Variants in TRRAP observed in about 807,000 individuals in gnomAD.
The protein encoded by TRRAP is transformation/transcription domain associated protein, also known as transformation/transcription domain-associated protein.
Under a neutral mutation model 438.8 loss-of-function variants are expected in TRRAP, and 41 were observed. That is an observed-to-expected ratio of 0.09 (90% CI 0.07 to 0.12). The LOEUF is 0.12. Ranked by LOEUF, TRRAP falls within the 10% of genes least tolerant of loss-of-function variation. The pLI is 1.00. For synonymous variants in TRRAP, 1,994 were observed against 1,962.9 expected (o/e 1.02, Z -0.42); for missense variants, 3,122 against 5,055.1 (o/e 0.62, Z 11.60).
In TRRAP at chr7:98,945,942, G is replaced by C; in HGVS notation, c.4540G>C (p.Gly1514Arg). 6.7e-7 allele frequency: 1 copy of C among 1,483,692 alleles called. No individual in the cohort carries two copies. Among genetic ancestry groups the C allele is most frequent in the Non-Finnish European group, 9.0e-7 (1 of 1,116,880 alleles). 91.9% of individuals were successfully genotyped at this position (1,483,692 alleles called of 1,614,324 possible). The change falls in exon 33 of 73, where the codon GGG becomes CGG. Residue 1514 changes from glycine (G) to arginine (R), a missense_variant. Transcript: ENST00000456197. ...TGTTTTGGTTCAGCCTGCCATGGAAGGGGTAGAGGTGAGAACTTGAGCGGA... is the reference window on the plus strand; with the variant it reads ...TGTTTTGGTTCAGCCTGCCATGGAACGGGTAGAGGTGAGAACTTGAGCGGA... ...PFCQFEPAME[G>R]VEEMKICSAI...
intron 39 of TRRAP, 71 bp from the exon 40 acceptor site, chr7:98,953,096 C>A: frequency 2.7e-5 from 41 of 1,535,402 alleles, no homozygotes; most frequent in Admixed American, 5.3e-5. Context: ...AGGCTTAAAC[C>A]TGTCGTATGA....
chr7:98,911,382 C>CCA, intron 17 of TRRAP, 111 bp downstream of exon 17: 1 of 1,067,028 alleles, frequency 9.4e-7, no homozygotes. Flanking sequence ...CAAGGATGTG[C>CCA]TTATAGCTCA....
At chr7:98,947,816 C>A (rs782496383) in intron 33 of TRRAP, among the ~76,000 whole-genome samples, 1 of 152,188 alleles carries the variant, frequency 6.6e-6, no homozygotes, top group Non-Finnish European at 1.5e-5. Flanking sequence ...TTGAGAGGAC[C>A]TCGTGATACC....
chr7:98,908,469 T>TG lies in TRRAP; in HGVS notation c.1116-258dup, dbSNP rs1393387217. Among the ~76,000 whole-genome samples the TG allele has an allele frequency of 4.1e-4, 63 of 152,368 alleles. No individual in the cohort carries two copies. The highest frequency in any genetic ancestry group is 1.1e-3 in the Admixed American group (17 of 15,308). On this transcript the variant is annotated intron_variant, in intron 13 of 72. Transcript: ENST00000456197. The surrounding 1 kb of genome is among the most constrained non-coding windows in gnomAD (Gnocchi z 4.1). ...AATATTCCTCCTTGGCTTAGCTGTA[T>TG]GTGCCAGCATCTATTAGTAACTTTA...
Position 98,976,237 on chromosome 7 carries a change from T to C in TRRAP, c.7928T>C (p.Leu2643Ser). ...ACGTGGGTCCAGCTTTTCCCCAGAT[T>C]GTGGAAGATCCTCTCTGACAGACAG... ...EKTWVQLFPR[L>S]WKILSDRQQH... Residue 2643 changes from leucine (L) to serine (S), a missense_variant, in exon 54 of 73, where the codon TTG becomes TCG. Coordinates refer to ENST00000456197, the MANE Select transcript of TRRAP (RefSeq NM_001375524.1). This position sits in a 1 kb window ranked among gnomAD's most constrained non-coding sequence, Gnocchi z 4.6. 2 of 1,614,184 alleles carry C rather than the reference T, an allele frequency of 1.2e-6. No homozygotes were observed. Among genetic ancestry groups the C allele is most frequent in the South Asian group, 2.2e-5 (2 of 91,086 alleles).
intron 60 of TRRAP, 71 bp downstream of exon 60, chr7:98,983,530 C>CT (rs1793023924): frequency 6.4e-7 from 1 of 1,565,524 alleles, no homozygotes; most frequent in Non-Finnish European, 8.7e-7. Flanking sequence ...GGTTTCGTCT[C>CT]TGTGTTTTGG....
In TRRAP at chr7:98,910,051, G is replaced by A. The variant is rs188988672; in HGVS notation, c.1351-5G>A. On this transcript the variant is annotated splice_region_variant and splice_polypyrimidine_tract_variant and intron_variant, in intron 14 of 72. Transcript: ENST00000456197. ...TCTTCCCTCTTGAATTTCTCTTCCC[G>A]TTAGGTTTTCGTTCTCAAATTCCAC... is the stretch of plus-strand genomic sequence containing the variant. 1.4e-5 allele frequency: 22 copies of A among 1,538,886 alleles called. No homozygotes were observed. The East Asian group carries it at 2.9e-4, about 21-fold the overall frequency.
At chr7:98,954,452 A>G (rs1261871412) in intron 40 of TRRAP, among the ~76,000 whole-genome samples, 3 of 152,286 alleles carry the variant, frequency 2.0e-5, no homozygotes, top group East Asian at 3.9e-4. Context: ...CACCCCAATC[A>G]AGCCAGAGGT....
chr7:98,881,207 A>G lies in TRRAP; in HGVS notation c.57A>G (p.Lys19=), dbSNP rs1160601877. 1.9e-6 allele frequency: 3 copies of G among 1,610,400 alleles called. No individual in the cohort carries two copies. Among genetic ancestry groups the G allele is most frequent in the Non-Finnish European group, 2.5e-6 (3 of 1,178,154 alleles). The change falls in exon 2 of 73, where the codon AAA becomes AAG. Residue 19 remains lysine, a synonymous_variant. Coordinates refer to ENST00000456197, the MANE Select transcript of TRRAP (RefSeq NM_001375524.1). ...TGGTTGACCAGACCACTTTGATGAAAAAGTACCTTCAGTTTGTGGCAGCTC... is the reference window on the plus strand; with the variant it reads ...TGGTTGACCAGACCACTTTGATGAAGAAGTACCTTCAGTTTGTGGCAGCTC... ...ATVVDQTTLM[K]KYLQFVAALT...
chr7:98,934,164 A>G (rs1292000594), intron 27 of TRRAP, among the ~76,000 whole-genome samples: 2 of 152,230 alleles, frequency 1.3e-5, no homozygotes, highest in Non-Finnish European at 2.9e-5. Context: ...TATAAGCAAC[A>G]TCTTTAGAAT....
Position 98,938,187 on chromosome 7 carries a change from T to G in TRRAP, c.4404+367T>G, listed in dbSNP as rs573161576. Among the ~76,000 whole-genome samples, 35 of 151,890 alleles carry G rather than the reference T, an allele frequency of 2.3e-4. No homozygotes were observed. The East Asian group carries it at 5.8e-3, about 25-fold the overall frequency. On this transcript the variant is annotated intron_variant, in intron 30 of 72. Coordinates refer to ENST00000456197, the MANE Select transcript of TRRAP (RefSeq NM_001375524.1). ...AAACTCCATCTCAAAAAAAGAAAAT[T>G]AGCCAGGCTTAGTGGCACGTGCCTG...
At position 98,973,749 on chromosome 7, in the gene TRRAP, C is replaced by G. The variant is rs369708523; in HGVS notation, c.7839+1804C>G. ...GCTGCAGACGTCAGCCATACTGTTC[C>G]CAGATGCGTGTCACAGAGGAGACCC... On this transcript the variant is annotated intron_variant, in intron 53 of 72. Coordinates refer to ENST00000456197, the MANE Select transcript of TRRAP (RefSeq NM_001375524.1). Among the ~76,000 whole-genome samples the G allele has an allele frequency of 3.3e-5, 5 of 152,312 alleles. No homozygotes were observed. The South Asian group carries it at 6.2e-4, about 19-fold the overall frequency.
At chr7:98,958,529 A>G (rs1411591249) in intron 44 of TRRAP, among the ~76,000 whole-genome samples, 1 of 152,114 alleles carries the variant, frequency 6.6e-6, no homozygotes, top group Non-Finnish European at 1.5e-5. Flanking sequence ...CGAGCTCCTG[A>G]CCTCAAGTGA....
Position 98,965,848 on chromosome 7 carries a change from A to G in TRRAP, c.7129A>G (p.Ile2377Val), listed in dbSNP as rs768521899. ...CAAAATCCTCCGGGCTGTGGTCAAA[A>G]TCGTGGAAGAATGGGTCAAGAATAA... is the stretch of plus-strand genomic sequence containing the variant. Reference protein sequence around the residue: ...DAKILRAVVKIVEEWVKNNSP... With the variant: ...DAKILRAVVKVVEEWVKNNSP... Residue 2377 changes from isoleucine to valine, a missense_variant, in exon 49 of 73, where the codon ATC (isoleucine) becomes GTC (valine). By Grantham distance (29) the Ile-to-Val change is conservative. Coordinates refer to ENST00000456197, the MANE Select transcript of TRRAP (RefSeq NM_001375524.1). The G allele has an allele frequency of 6.8e-6, 11 of 1,614,130 alleles. No homozygotes were observed. The highest frequency in any genetic ancestry group is 9.3e-6 in the Non-Finnish European group (11 of 1,180,014).
intron 30 of TRRAP, among the ~76,000 whole-genome samples, chr7:98,941,705 A>T (rs1554415650): frequency 1.3e-5 from 2 of 152,092 alleles, no homozygotes; most frequent in Non-Finnish European, 2.9e-5. Flanking sequence ...GTTGTTGGTA[A>T]AATGTTGAGT....
chr7:98,959,945 AAAAAAAAAAG>A (rs1461506742), intron 45 of TRRAP, among the ~76,000 whole-genome samples: 1 of 149,598 alleles, frequency 6.7e-6, no homozygotes, highest in African/African-American at 2.5e-5. Flanking sequence ...TTAAAAAAAA[AAAAAAAAAAG>A]AAAAAGAAAA....
At position 99,011,165 on chromosome 7, in the gene TRRAP, G is replaced by T. The variant is rs746245656; in HGVS notation, c.11052G>T (p.Lys3684Asn). Residue 3684 changes from lysine to asparagine, a missense_variant, in exon 71 of 73, where the codon AAG (lysine) becomes AAT (asparagine). Physicochemically the swap from Lys to Asn is moderately conservative, Grantham distance 94. Around this residue, in one of 24 missense-constraint regions of TRRAP, gnomAD observed 192 missense variants for 355.6 expected, o/e 0.54. Coordinates refer to ENST00000456197, the MANE Select transcript of TRRAP (RefSeq NM_001375524.1). This position sits in a 1 kb window ranked among gnomAD's most constrained non-coding sequence, Gnocchi z 7.1. ...PNATDYWTFR[K>N]MFTIQLALIG... ...CCACGGACTACTGGACGTTCCGGAA[G>T]ATGTTCACCATCCAGCTGGCTCTGA... 2.5e-6 allele frequency: 4 copies of T among 1,614,144 alleles called. No homozygotes were observed. Among genetic ancestry groups the T allele is most frequent in the Non-Finnish European group, 3.4e-6 (4 of 1,180,032 alleles).
At chr7:99,010,938 T>G in intron 70 of TRRAP, 114 bp from the exon 71 acceptor site, 1 of 1,089,924 alleles carries the variant, frequency 9.2e-7, no homozygotes. Flanking sequence ...GTCACCAGAA[T>G]TTACAGAATT....
chr7:98,942,314 C>A (rs1554415834), intron 30 of TRRAP, among the ~76,000 whole-genome samples: 1 of 152,202 alleles, frequency 6.6e-6, no homozygotes, highest in Non-Finnish European at 1.5e-5. Context: ...CCCTAGGGTC[C>A]CCATTGTGCC....
Sources: gnomAD v4.1 joint callset for allele counts (sites outside exome capture counted in the v4.1 genomes callset) on GRCh38, gnomAD v4.1.1 for gene constraint, gnomAD v4.1.1 regional missense constraint, Gnocchi (gnomAD v3.1) non-coding constraint, MANE v1.5 for transcripts, NCBI Gene and HGNC (gene_info 2026-07-23, HGNC 2026-07-21) for gene names.